TENM4: variants seen among roughly 807,000 people sequenced by gnomAD.
The protein encoded by TENM4 is teneurin transmembrane protein 4, also known as teneurin-4.
Under a neutral mutation model 243.3 loss-of-function variants are expected in TENM4, and 82 were observed. That is an observed-to-expected ratio of 0.34 (90% CI 0.28 to 0.40). TENM4 has a LOEUF of 0.40. TENM4 is among the 10% of genes least tolerant of loss of function. The probability of loss-of-function intolerance (pLI) is 1.00; values close to 1 mark genes in which losing one functional copy is unlikely to be tolerated. For missense variants in TENM4, 3,138 were observed against 3,673.3 expected, an observed-to-expected ratio of 0.85 and a Z score of 3.77; for synonymous variants, 1,412 against 1,456.3, an observed-to-expected ratio of 0.97 and a Z score of 0.69.
chr11:79,384,948 T>C (rs1858081439), intron 1 of TENM4, among the ~76,000 whole-genome samples: 1 of 148,558 alleles, frequency 6.7e-6, no homozygotes, highest in South Asian at 2.1e-4. Flanking sequence ...TAAAATAAAA[T>C]AAAATAAAAT....
intron 1 of TENM4, among the ~76,000 whole-genome samples, chr11:79,368,072 G>C (rs1857710501): frequency 6.6e-6 from 1 of 152,138 alleles, no homozygotes; most frequent in Non-Finnish European, 1.5e-5. Context: ...GGCCCTTGGG[G>C]ATTCGGGGCA....
At chr11:78,804,615 T>G (rs1463325400) in intron 15 of TENM4, among the ~76,000 whole-genome samples, 1 of 152,256 alleles carries the variant, frequency 6.6e-6, no homozygotes, top group Non-Finnish European at 1.5e-5. Context: ...TTATCCTTTG[T>G]ACCTTATATG....
chr11:79,326,404 C>T (rs1477057863), intron 1 of TENM4, among the ~76,000 whole-genome samples: 1 of 152,178 alleles, frequency 6.6e-6, no homozygotes, highest in Non-Finnish European at 1.5e-5. Flanking sequence ...CTTTGCTCCT[C>T]AAGTGCTCAA....
At chr11:79,229,650 T>C (rs750039580) in intron 2 of TENM4, among the ~76,000 whole-genome samples, 1 of 152,200 alleles carries the variant, frequency 6.6e-6, no homozygotes, top group Non-Finnish European at 1.5e-5. Context: ...CCCTTCAGCA[T>C]TGGACATTGT....
At chr11:79,175,772 G>A (rs1428498322) in intron 3 of TENM4, among the ~76,000 whole-genome samples, 1 of 152,102 alleles carries the variant, frequency 6.6e-6, no homozygotes, top group Non-Finnish European at 1.5e-5. Context: ...TTACTGATGA[G>A]GAAATATCAC....
intron 4 of TENM4, among the ~76,000 whole-genome samples, chr11:79,076,690 T>C (rs1437408722): frequency 1.3e-5 from 2 of 152,002 alleles, no homozygotes; most frequent in African/African-American, 2.4e-5. Context: ...AAGGTTTCAA[T>C]AGGGACGTGA....
chr11:79,174,005 A>T (rs1391323574), intron 3 of TENM4, among the ~76,000 whole-genome samples: 1 of 152,230 alleles, frequency 6.6e-6, no homozygotes, highest in East Asian at 1.9e-4. Context: ...AGCCAAAACA[A>T]AAGCATCATT....
chr11:79,252,176 A>G (rs1855622411), intron 2 of TENM4, among the ~76,000 whole-genome samples: 1 of 152,232 alleles, frequency 6.6e-6, no homozygotes, highest in African/African-American at 2.4e-5. Flanking sequence ...GAATCTGTGA[A>G]TTGAAAGCAG....
At chr11:79,025,704 C>G (rs556770294) in intron 6 of TENM4, among the ~76,000 whole-genome samples, 1 of 152,196 alleles carries the variant, frequency 6.6e-6, no homozygotes, top group Non-Finnish European at 1.5e-5. Context: ...GGCATTTGCT[C>G]TTTACGGCTA....
intron 1 of TENM4, among the ~76,000 whole-genome samples, chr11:79,422,379 C>A (rs1192234829): frequency 6.6e-6 from 1 of 152,020 alleles, no homozygotes; most frequent in Middle Eastern, 3.2e-3. Flanking sequence ...TCCTTCACTT[C>A]CTGCTGTGTG....
Position 78,700,652 on chromosome 11 carries a change from TATA to T in TENM4, c.5087+871_5087+873del, listed in dbSNP as rs995928406. Among the ~76,000 whole-genome samples the T allele has an allele frequency of 3.2e-4, 49 of 152,298 alleles. 1 individual carries two copies. Among genetic ancestry groups the T allele is most frequent in the African/African-American group, 1.1e-3 (45 of 41,570 alleles). ...ATATATATTTAATTGTTGCTAGGAT[TATA>T]ATAAGCTGAACTTCTGGTTCTCTGA... On this transcript the variant is annotated intron_variant, in intron 28 of 33. Transcript: ENST00000278550.
At chr11:79,009,315 T>TG (rs1332137648) in intron 6 of TENM4, among the ~76,000 whole-genome samples, 2 of 152,146 alleles carry the variant, frequency 1.3e-5, no homozygotes, top group African/African-American at 2.4e-5. Context: ...GTTAGGTATG[T>TG]GGGGTACACA....
chr11:78,677,994 A>G (rs1256231710), intron 29 of TENM4, among the ~76,000 whole-genome samples: 5 of 101,834 alleles, frequency 4.9e-5, no homozygotes, highest in East Asian at 5.9e-4. Context: ...TCATTGTTCA[A>G]TTCCCACCTA....
intron 1 of TENM4, among the ~76,000 whole-genome samples, chr11:79,427,446 A>G (rs571509301): frequency 1.3e-5 from 2 of 152,198 alleles, no homozygotes; most frequent in Non-Finnish European, 2.9e-5. Context: ...TTGGAGGAAA[A>G]ATTAATGGAA....
At chr11:78,880,234 T>C (rs1859394868) in intron 9 of TENM4, among the ~76,000 whole-genome samples, 1 of 152,158 alleles carries the variant, frequency 6.6e-6, no homozygotes, top group Non-Finnish European at 1.5e-5. Context: ...ATTTGCTTTG[T>C]TAAACAGATG....
At chr11:79,001,923 C>T (rs1858339282) in intron 6 of TENM4, among the ~76,000 whole-genome samples, 1 of 152,196 alleles carries the variant, frequency 6.6e-6, no homozygotes, top group Non-Finnish European at 1.5e-5. Context: ...GTATTCTTCC[C>T]CCAATGCCTG....
At chr11:79,038,814 T>G (rs1859448378) in intron 6 of TENM4, among the ~76,000 whole-genome samples, 1 of 152,166 alleles carries the variant, frequency 6.6e-6, no homozygotes. Context: ...GGCAGGTAGG[T>G]TGCAAGAAGC....
chr11:78,768,860 G>A (rs760126819), intron 18 of TENM4, among the ~76,000 whole-genome samples: 2 of 152,148 alleles, frequency 1.3e-5, no homozygotes, highest in Non-Finnish European at 2.9e-5. Flanking sequence ...TATGCCCCAT[G>A]TTACCACTGG....
At chr11:79,094,641 G>A (rs1217130308) in intron 4 of TENM4, among the ~76,000 whole-genome samples, 2 of 152,178 alleles carry the variant, frequency 1.3e-5, no homozygotes, top group Admixed American at 1.3e-4. Context: ...AGCTCTGACT[G>A]TCTCCCCAGC....
Sources: gnomAD v4.1 joint callset for allele counts (sites outside exome capture counted in the v4.1 genomes callset) on GRCh38, gnomAD v4.1.1 for gene constraint, MANE v1.5 for transcripts, NCBI Gene and HGNC (gene_info 2026-07-23, HGNC 2026-07-21) for gene names.